DLG1: variants seen among roughly 807,000 people sequenced by gnomAD.
DLG1 encodes disks large homolog 1.
In DLG1, 42 loss-of-function variants were observed where a neutral mutation model predicts 123.4. That is an observed-to-expected ratio of 0.34 (90% CI 0.27 to 0.44). DLG1 has a LOEUF of 0.44. Ranked by LOEUF, DLG1 falls within the 20% of genes least tolerant of loss-of-function variation. The pLI is 1.00. For synonymous variants in DLG1, 317 were observed against 356.2 expected (o/e 0.89, Z 1.24); for missense variants, 942 against 1,082.6 (o/e 0.87, Z 1.82).
chr3:197,282,141 T>C, intron 4 of DLG1, among the ~76,000 whole-genome samples: 1 of 152,210 alleles, frequency 6.6e-6, no homozygotes, highest in East Asian at 1.9e-4. Flanking sequence ...CAAAAAAGTA[T>C]ATTACTAAGA....
intron 5 of DLG1, chr3:197,161,795 A>T: frequency 9.1e-7 from 1 of 1,094,984 alleles, no homozygotes. Context: ...AGGGAAACAC[A>T]TAACAAAAAG....
intron 4 of DLG1, among the ~76,000 whole-genome samples, chr3:197,208,125 T>A (rs1442665060): frequency 7.2e-6 from 1 of 139,410 alleles, no homozygotes; most frequent in African/African-American, 2.7e-5. Context: ...AAAAAAAAAA[T>A]CAAGTAATTC....
At chr3:197,141,271 CA>C (rs1259281625) in intron 7 of DLG1, among the ~76,000 whole-genome samples, 1 of 152,014 alleles carries the variant, frequency 6.6e-6, no homozygotes, top group Non-Finnish European at 1.5e-5. Flanking sequence ...GGGAGGTTAC[CA>C]AATTACTTAG....
At chr3:197,236,722 C>G (rs1352575882) in intron 4 of DLG1, among the ~76,000 whole-genome samples, 1 of 152,162 alleles carries the variant, frequency 6.6e-6, no homozygotes, top group East Asian at 1.9e-4. Flanking sequence ...CACAGTTTTA[C>G]CAAGTAACGG....
chr3:197,045,054 T>C (rs1348789071), intron 24 of DLG1, among the ~76,000 whole-genome samples: 1 of 152,054 alleles, frequency 6.6e-6, no homozygotes, highest in African/African-American at 2.4e-5. Context: ...CATAAACATA[T>C]GTAGAAAAAA....
At chr3:197,229,098 G>C (rs573769325) in intron 4 of DLG1, among the ~76,000 whole-genome samples, 52 of 152,258 alleles carry the variant, frequency 3.4e-4, no homozygotes, top group African/African-American at 1.1e-3. Flanking sequence ...AGCCAGGGAT[G>C]CTACTAAACA....
chr3:197,054,562 CAG>C (rs1284119497), intron 23 of DLG1, among the ~76,000 whole-genome samples: 1 of 152,144 alleles, frequency 6.6e-6, no homozygotes, highest in Non-Finnish European at 1.5e-5. Flanking sequence ...TTTTTACCTC[CAG>C]AATTTCCTTT....
rs981210912 is a variant in DLG1, at chr3:197,210,988, A to G, written c.319-16399T>C. Among the ~76,000 whole-genome samples, 4 of 146,466 alleles carry G rather than the reference A, an allele frequency of 2.7e-5. 1 individual carries two copies. The highest frequency in any genetic ancestry group is 9.7e-5 in the African/African-American group (4 of 41,166). On this transcript the variant is annotated intron_variant, in intron 4 of 24. Transcript: ENST00000667157. ...AATACATCATGACCAAATATGATTT[A>G]TTTCAACAAGGCAAGGTTAGTTTAA...
chr3:197,066,592 T>C, intron 20 of DLG1, 112 bp downstream of exon 20: 1 of 646,380 alleles, frequency 1.5e-6, no homozygotes, highest in South Asian at 2.3e-5. Flanking sequence ...CATGTATATG[T>C]AGTAAAAAAA....
chr3:197,132,127 C>G (rs975530551), intron 10 of DLG1, among the ~76,000 whole-genome samples: 1 of 151,888 alleles, frequency 6.6e-6, no homozygotes, highest in Non-Finnish European at 1.5e-5. Context: ...CTTGGCTGGT[C>G]TGAAGGTTTG....
At chr3:197,173,128 T>C (rs751826720) in intron 5 of DLG1, among the ~76,000 whole-genome samples, 2 of 152,156 alleles carry the variant, frequency 1.3e-5, no homozygotes, top group Admixed American at 1.3e-4. Flanking sequence ...TTATTGTTAG[T>C]TGCTGTGGTT....
At position 197,292,261 on chromosome 3, in the gene DLG1, T is replaced by C. The variant is rs549031016; in HGVS notation, c.151+4085A>G. On this transcript the variant is annotated intron_variant, in intron 3 of 24. Coordinates refer to ENST00000667157, the MANE Select transcript of DLG1 (RefSeq NM_001366207.1). ...GGCTAGATAAAATGCGGTATATACA[T>C]ACAACGGAATATTATTCAGCCTGAA... Among the ~76,000 whole-genome samples, 5 of 152,228 alleles carry C rather than the reference T, an allele frequency of 3.3e-5. No individual in the cohort carries two copies. In the East Asian group the frequency reaches 9.6e-4, roughly 29 times the overall value.
At chr3:197,082,988 T>C (rs958430253) in intron 16 of DLG1, among the ~76,000 whole-genome samples, 1 of 152,226 alleles carries the variant, frequency 6.6e-6, no homozygotes, top group African/African-American at 2.4e-5. Context: ...CTGACCTTGA[T>C]ATTTAAGATG....
At chr3:197,215,343 GA>G (rs942544266) in intron 4 of DLG1, among the ~76,000 whole-genome samples, 1 of 152,054 alleles carries the variant, frequency 6.6e-6, no homozygotes, top group African/African-American at 2.4e-5. Context: ...GTATCCATTA[GA>G]AAAAATGAAA....
At chr3:197,093,237 C>A (rs1015765351) in intron 14 of DLG1, among the ~76,000 whole-genome samples, 6 of 152,064 alleles carry the variant, frequency 3.9e-5, no homozygotes, top group Non-Finnish European at 8.8e-5. Flanking sequence ...TGGCTCACTG[C>A]AACCTCCGCC....
intron 1 of DLG1, chr3:197,298,309 G>T: frequency 2.6e-6 from 1 of 391,476 alleles, no homozygotes; most frequent in Non-Finnish European, 4.5e-6. Context: ...CATCCTAAGG[G>T]AACCTCTTCG....
At chr3:197,176,120 T>C (rs1025223596) in intron 5 of DLG1, among the ~76,000 whole-genome samples, 1 of 152,192 alleles carries the variant, frequency 6.6e-6, no homozygotes, top group African/African-American at 2.4e-5. Flanking sequence ...CCTTATATCA[T>C]AAATTTCAAA....
At chr3:197,192,272 TCA>T (rs1182076455) in intron 5 of DLG1, among the ~76,000 whole-genome samples, 1 of 151,712 alleles carries the variant, frequency 6.6e-6, no homozygotes, top group Non-Finnish European at 1.5e-5. Flanking sequence ...AAAAAACAAA[TCA>T]CATCAGACAT....
At chr3:197,150,287 CTT>C (rs1793219220) in intron 5 of DLG1, among the ~76,000 whole-genome samples, 1 of 151,960 alleles carries the variant, frequency 6.6e-6, no homozygotes, top group African/African-American at 2.4e-5. Context: ...AAAACACACT[CTT>C]AATGTAAAAA....
Sources: allele counts gnomAD v4.1 joint callset (sites outside exome capture counted in the v4.1 genomes callset), GRCh38; gene constraint gnomAD v4.1.1; transcripts MANE v1.5; gene names NCBI Gene and HGNC (gene_info 2026-07-23, HGNC 2026-07-21).